Variants in NETO1 observed in about 807,000 individuals in gnomAD.
NETO1 encodes the protein neuropilin and tolloid like 1.
Under a neutral mutation model 61.3 loss-of-function variants are expected in NETO1, and 26 were observed. That is an observed-to-expected ratio of 0.42 (90% confidence interval 0.31 to 0.59). The LOEUF is 0.59. NETO1 is among the 20% of genes least tolerant of loss of function. NETO1 has a pLI of 0.12. For missense variants in NETO1, 531 were observed against 662.8 expected, an observed-to-expected ratio of 0.80 and a Z score of 2.18; for synonymous variants, 225 against 225.8, an observed-to-expected ratio of 1.00 and a Z score of 0.03.
chr18:72,830,378 C>G lies in NETO1; in HGVS notation c.469+28448G>C, dbSNP rs1010160906. Among the ~76,000 whole-genome samples, 1 of 152,170 alleles carries G rather than the reference C, an allele frequency of 6.6e-6. No individual in the cohort carries two copies. The highest frequency in any genetic ancestry group is 1.5e-5 in the Non-Finnish European group (1 of 68,036). On this transcript the variant is annotated intron_variant, in intron 4 of 10. Coordinates refer to ENST00000327305, the MANE Select transcript of NETO1 (RefSeq NM_138966.5). This position sits in a 1 kb window ranked among gnomAD's most constrained non-coding sequence, Gnocchi z 4.9. ...CGGGTTGGCAGGGAGGCCACAACTT[C>G]AGAGACATCAGTAGCGCCACATGTG...
At chr18:72,768,622 C>G (rs1031552718) in intron 7 of NETO1, among the ~76,000 whole-genome samples, 1 of 151,958 alleles carries the variant, frequency 6.6e-6, no homozygotes, top group South Asian at 2.1e-4. Flanking sequence ...CAGTTAAGCC[C>G]AATGCAATAA....
intron 4 of NETO1, among the ~76,000 whole-genome samples, chr18:72,811,900 G>GT (rs1450905017): frequency 6.6e-6 from 1 of 152,184 alleles, no homozygotes; most frequent in Non-Finnish European, 1.5e-5. Flanking sequence ...TTGGCTCTCT[G>GT]TCTCGTTTAC....
chr18:72,802,002 A>G (rs1011627331), intron 4 of NETO1, among the ~76,000 whole-genome samples: 2 of 152,158 alleles, frequency 1.3e-5, no homozygotes, highest in African/African-American at 4.8e-5. Flanking sequence ...TCCAAATAAA[A>G]TCAAACAAAC....
intron 4 of NETO1, among the ~76,000 whole-genome samples, chr18:72,817,747 T>A (rs180829039): frequency 6.6e-6 from 1 of 152,338 alleles, no homozygotes; most frequent in Admixed American, 6.5e-5. Flanking sequence ...CTTCCAAGAT[T>A]TGGTTGGAAA....
intron 4 of NETO1, among the ~76,000 whole-genome samples, chr18:72,812,608 T>C (rs12458597): frequency 0.85 from 129,883 of 152,154 alleles, 57,999 homozygotes; most frequent in Non-Finnish European, 0.99. Flanking sequence ...TCTCAATTCC[T>C]GGTATATTTT....
intron 4 of NETO1, among the ~76,000 whole-genome samples, chr18:72,844,572 CTT>C (rs1272021193): frequency 6.6e-6 from 1 of 152,208 alleles, no homozygotes; most frequent in Non-Finnish European, 1.5e-5. Flanking sequence ...TTCAAATGGT[CTT>C]GTCTACCAGA....
intron 4 of NETO1, among the ~76,000 whole-genome samples, chr18:72,813,479 T>G (rs1042911845): frequency 6.6e-6 from 1 of 152,188 alleles, no homozygotes; most frequent in African/African-American, 2.4e-5. Context: ...AAATGAATCT[T>G]GAAAGATTCC....
chr18:72,829,859 C>T lies in NETO1; in HGVS notation c.469+28967G>A, dbSNP rs547214720. ...TATCAGTGCATCTCTAAAGGCAACA[C>T]ACCATATATAAGTATGAAGTTCTGG... On this transcript the variant is annotated intron_variant, in intron 4 of 10. Transcript: ENST00000327305. Among the ~76,000 whole-genome samples the T allele has an allele frequency of 5.3e-5, 8 of 152,312 alleles. No individual in the cohort carries two copies. In the South Asian group the frequency reaches 1.7e-3, roughly 32 times the overall value.
chr18:72,853,240 C>A (rs1260951688), intron 4 of NETO1: 1 of 152,154 alleles, frequency 6.6e-6, no homozygotes, highest in Non-Finnish European at 1.5e-5. Context: ...ATGCTCCTTA[C>A]CTTTTCCATT....
intron 3 of NETO1, among the ~76,000 whole-genome samples, chr18:72,860,736 TTTTTC>T (rs1277241510): frequency 3.5e-5 from 5 of 143,330 alleles, no homozygotes; most frequent in African/African-American, 1.0e-4. Flanking sequence ...GTGGTTTTTT[TTTTTC>T]TTTTCTTTTT....
intron 4 of NETO1, among the ~76,000 whole-genome samples, chr18:72,822,352 C>T (rs1415011558): frequency 1.3e-5 from 2 of 152,126 alleles, no homozygotes; most frequent in Non-Finnish European, 2.9e-5. Context: ...CAGGAAGCTG[C>T]CTGGGAAAGC....
At chr18:72,804,940 T>A (rs77990931) in intron 4 of NETO1, among the ~76,000 whole-genome samples, 1 of 152,238 alleles carries the variant, frequency 6.6e-6, no homozygotes, top group African/African-American at 2.4e-5. Flanking sequence ...ATAAAATCTT[T>A]ACTAATTTCC....
At chr18:72,834,724 A>G (rs1209432443) in intron 4 of NETO1, 2 of 984,944 alleles carry the variant, frequency 2.0e-6, no homozygotes, top group South Asian at 4.7e-5. Context: ...TTCAGCTTTT[A>G]CTGTTTGATT....
intron 4 of NETO1, among the ~76,000 whole-genome samples, chr18:72,846,969 TG>T (rs1347868123): frequency 1.3e-5 from 2 of 152,234 alleles, no homozygotes; most frequent in Non-Finnish European, 2.9e-5. Context: ...TCAGACTGCA[TG>T]GGCAAGCAAA....
Position 72,830,099 on chromosome 18 carries a change from T to G in NETO1, c.469+28727A>C, listed in dbSNP as rs1304269487. ...GCCTCAATTCAGGCCCACATCTACC[T>G]ATGTGGCTGAAATATGAAGGAAGTA... is the stretch of plus-strand genomic sequence containing the variant. On this transcript the variant is annotated intron_variant, in intron 4 of 10. Transcript: ENST00000327305. The surrounding 1 kb of genome is among the most constrained non-coding windows in gnomAD (Gnocchi z 4.9). Among the ~76,000 whole-genome samples, 1 of 152,206 alleles carries G rather than the reference T, an allele frequency of 6.6e-6. No individual in the cohort carries two copies. The highest frequency in any genetic ancestry group is 6.5e-5 in the Admixed American group (1 of 15,284).
chr18:72,752,433 C>T (rs745686940), intron 8 of NETO1, among the ~76,000 whole-genome samples: 10 of 152,110 alleles, frequency 6.6e-5, no homozygotes, highest in African/African-American at 9.7e-5. Context: ...GCTGATGGTG[C>T]GAAGTCCAAG....
chr18:72,782,622 T>A (rs746425943), intron 7 of NETO1, among the ~76,000 whole-genome samples: 1 of 152,024 alleles, frequency 6.6e-6, no homozygotes, highest in Non-Finnish European at 1.5e-5. Context: ...CTGACCAACA[T>A]GGAGAAACCC....
chr18:72,815,381 C>A (rs1314313925), intron 4 of NETO1, among the ~76,000 whole-genome samples: 2 of 152,064 alleles, frequency 1.3e-5, no homozygotes, highest in Non-Finnish European at 2.9e-5. Context: ...CCACACACTG[C>A]AAGACCTTAT....
intron 4 of NETO1, among the ~76,000 whole-genome samples, chr18:72,798,809 G>C (rs7242528): frequency 0.33 from 49,877 of 152,008 alleles, 8,619 homozygotes; most frequent in Non-Finnish European, 0.39. Context: ...CATTTAAAGA[G>C]AATACCAAGA....
Sources: allele counts gnomAD v4.1 joint callset (sites outside exome capture counted in the v4.1 genomes callset), GRCh38; gene constraint gnomAD v4.1.1; non-coding constraint Gnocchi (gnomAD v3.1); transcripts MANE v1.5; gene names NCBI Gene and HGNC (gene_info 2026-07-23, HGNC 2026-07-21).